Variants in PIBF1 observed in about 807,000 individuals in gnomAD.
PIBF1 encodes progesterone-induced-blocking factor 1.
A neutral mutation model predicts 112.5 loss-of-function variants in PIBF1; 90 were observed. That is an observed-to-expected ratio of 0.80 (90% CI 0.67 to 0.95). The LOEUF (loss-of-function observed/expected upper bound fraction) is 0.95, where lower values mean the gene tolerates loss of function less well. Ranked by LOEUF, PIBF1 falls within the 40% of genes least tolerant of loss-of-function variation. The pLI is 0.00. For missense variants in PIBF1, 915 were observed against 852.3 expected (o/e 1.07, Z -0.92); for synonymous variants, 301 against 288.6 (o/e 1.04, Z -0.44).
intron 9 of PIBF1, among the ~76,000 whole-genome samples, chr13:72,841,672 A>G (rs2037616778): frequency 6.6e-6 from 1 of 152,084 alleles, no homozygotes; most frequent in African/African-American, 2.4e-5. Flanking sequence ...AAGGAGGCTG[A>G]GGTGGGAGGA....
At chr13:72,910,931 T>C (rs1339296135) in intron 12 of PIBF1, among the ~76,000 whole-genome samples, 1 of 152,190 alleles carries the variant, frequency 6.6e-6, no homozygotes, top group Non-Finnish European at 1.5e-5. Context: ...TTCTATCAAT[T>C]CAGTGTTCTT....
rs141727526 is a variant in PIBF1 at position 72,932,983 on chromosome 13, A to G, written c.1833+1716A>G. ...ATTGGAGTCATTTCCAGTTTTTGGA[A>G]TAAAGCTCATATGAACATTCATGTA... On this transcript the variant is annotated intron_variant, in intron 14 of 17. Coordinates refer to ENST00000326291, the MANE Select transcript of PIBF1 (RefSeq NM_006346.4). Among the ~76,000 whole-genome samples the G allele has an allele frequency of 5.9e-5, 9 of 152,230 alleles. No individual in the cohort carries two copies. In the East Asian group the frequency reaches 1.7e-3, roughly 29 times the overall value.
chr13:72,975,912 A>G (rs1475146320), intron 16 of PIBF1, among the ~76,000 whole-genome samples: 2 of 152,154 alleles, frequency 1.3e-5, no homozygotes, highest in Non-Finnish European at 2.9e-5. Flanking sequence ...CATATCAACT[A>G]CATTTTTTTA....
intron 10 of PIBF1, among the ~76,000 whole-genome samples, chr13:72,878,929 C>G (rs180781577): frequency 2.5e-4 from 38 of 152,224 alleles, no homozygotes; most frequent in Admixed American, 5.9e-4. Flanking sequence ...GCAAGCTACT[C>G]CCAGTTTCTT....
At chr13:72,900,749 G>C (rs2040453804) in intron 11 of PIBF1, among the ~76,000 whole-genome samples, 1 of 152,224 alleles carries the variant, frequency 6.6e-6, no homozygotes, top group Non-Finnish European at 1.5e-5. Context: ...CTGGCCAGGT[G>C]CAGTGGCTCA....
At chr13:72,913,385 G>A (rs1197485817) in intron 12 of PIBF1, among the ~76,000 whole-genome samples, 3 of 152,096 alleles carry the variant, frequency 2.0e-5, no homozygotes, top group Non-Finnish European at 4.4e-5. Flanking sequence ...GGAGTGAAGT[G>A]TGCAAATGTC....
At chr13:72,958,389 T>C (rs1354006605) in intron 14 of PIBF1, among the ~76,000 whole-genome samples, 1 of 151,404 alleles carries the variant, frequency 6.6e-6, no homozygotes, top group East Asian at 1.9e-4. Flanking sequence ...TCTACTTCAA[T>C]GACTTCAGTC....
At chr13:72,800,043 A>G (rs1185463131) in intron 5 of PIBF1, among the ~76,000 whole-genome samples, 1 of 152,164 alleles carries the variant, frequency 6.6e-6, no homozygotes, top group Non-Finnish European at 1.5e-5. Context: ...AAACAGCTTT[A>G]TTTATTTATT....
chr13:72,843,292 G>T (rs539709634), intron 9 of PIBF1, among the ~76,000 whole-genome samples: 1 of 152,326 alleles, frequency 6.6e-6, no homozygotes, highest in Admixed American at 6.5e-5. Flanking sequence ...TGAATTTAAA[G>T]AATACGTAGG....
rs566773206 is a variant in PIBF1 at position 72,836,892 on chromosome 13, G to A, written c.1223+1524G>A. Among the ~76,000 whole-genome samples the A allele has an allele frequency of 1.8e-3, 279 of 152,044 alleles. 1 individual carries two copies. Among genetic ancestry groups the A allele is most frequent in the African/African-American group, 6.3e-3 (261 of 41,494 alleles). On this transcript the variant is annotated intron_variant, in intron 9 of 17. Coordinates refer to ENST00000326291, the MANE Select transcript of PIBF1 (RefSeq NM_006346.4). Reference sequence around the variant, plus strand: ...TTGAAAGTCTGCATTAGAAGTATACGCCAAAGGAAATTAATATGAACTTCA... The same window carrying A: ...TTGAAAGTCTGCATTAGAAGTATACACCAAAGGAAATTAATATGAACTTCA...
intron 9 of PIBF1, among the ~76,000 whole-genome samples, chr13:72,844,736 C>CACACACACACACAT (rs2037760622): frequency 2.0e-5 from 1 of 50,368 alleles, no homozygotes; most frequent in African/African-American, 8.6e-5. Context: ...TTTACACACA[C>CACACACACACACAT]ACACACACAC....
intron 13 of PIBF1, among the ~76,000 whole-genome samples, chr13:72,927,545 C>A (rs1315061660): frequency 6.6e-6 from 1 of 151,926 alleles, no homozygotes; most frequent in Non-Finnish European, 1.5e-5. Context: ...TGCCACCACA[C>A]CCAGATAATT....
chr13:72,835,294 A>G lies in PIBF1; in HGVS notation c.1149A>G (p.Gln383=), dbSNP rs2037306111. The part of the protein sequence containing the change: ...YENKLHDELE[Q]IRLKTNQEID... ...ATAAACTACATGATGAACTAGAACA[A>G]ATCAGATTGAAAACCAACCAAGAAA... The change falls in exon 9 of 18, where the codon CAA becomes CAG. Residue 383 remains glutamine (Q), a synonymous_variant. Transcript: ENST00000326291. 6.3e-7 allele frequency: 1 copy of G among 1,598,882 alleles called. No homozygotes were observed. The highest frequency in any genetic ancestry group is 1.3e-5 in the African/African-American group (1 of 74,294).
chr13:72,999,997 C>T (rs1469480516), intron 17 of PIBF1, among the ~76,000 whole-genome samples: 4 of 152,274 alleles, frequency 2.6e-5, no homozygotes, highest in East Asian at 1.9e-4. Context: ...TGCGATGGCA[C>T]CACTGCATTC....
At chr13:73,013,745 A>G (rs1018150678) in intron 17 of PIBF1, among the ~76,000 whole-genome samples, 4 of 145,638 alleles carry the variant, frequency 2.7e-5, no homozygotes, top group South Asian at 2.1e-4. Flanking sequence ...AAAAAAAAAA[A>G]AAAAAAAAGA....
At chr13:72,880,636 A>G (rs1226595663) in intron 10 of PIBF1, among the ~76,000 whole-genome samples, 1 of 152,196 alleles carries the variant, frequency 6.6e-6, no homozygotes, top group Admixed American at 6.5e-5. Context: ...CCCTTGCTTA[A>G]TATAGTTACT....
At chr13:72,955,432 G>C (rs1276175473) in intron 14 of PIBF1, among the ~76,000 whole-genome samples, 1 of 151,986 alleles carries the variant, frequency 6.6e-6, no homozygotes, top group African/African-American at 2.4e-5. Context: ...AACCACCACT[G>C]AAGTGGGAAA....
At chr13:72,858,893 A>G (rs1024374919) in intron 10 of PIBF1, among the ~76,000 whole-genome samples, 1 of 152,220 alleles carries the variant, frequency 6.6e-6, no homozygotes, top group East Asian at 1.9e-4. Context: ...AGAAGGTAGT[A>G]GATTCTTGCA....
intron 11 of PIBF1, among the ~76,000 whole-genome samples, chr13:72,894,711 CAGAT>C (rs1160133373): frequency 1.3e-5 from 2 of 148,624 alleles, no homozygotes; most frequent in East Asian, 1.9e-4. Flanking sequence ...AAATTAAACT[CAGAT>C]GGATTACTAG....
Sources: allele counts gnomAD v4.1 joint callset (sites outside exome capture counted in the v4.1 genomes callset), GRCh38; gene constraint gnomAD v4.1.1; transcripts MANE v1.5; gene names NCBI Gene and HGNC (gene_info 2026-07-23, HGNC 2026-07-21).